NDUFAF2: variants seen among roughly 807,000 people sequenced by gnomAD.
NDUFAF2 encodes the protein NADH dehydrogenase [ubiquinone] 1 alpha subcomplex assembly factor 2.
A neutral mutation model predicts 22.8 loss-of-function variants in NDUFAF2; 13 were observed. That is an observed-to-expected ratio of 0.57 (90% CI 0.37 to 0.91). The LOEUF is 0.91. Among genes scored for constraint, NDUFAF2 ranks in the 40% least tolerant of loss-of-function variants. The probability of loss-of-function intolerance (pLI) is 0.01; values close to 1 mark genes in which losing one functional copy is unlikely to be tolerated. For missense variants in NDUFAF2, 162 were observed against 195.2 expected (o/e 0.83, Z 1.01); for synonymous variants, 53 against 64.2 (o/e 0.83, Z 0.84).
At position 61,040,296 on chromosome 5, in the gene NDUFAF2, G is replaced by A. The variant is rs371220938; in HGVS notation, c.128-32829G>A. Among the ~76,000 whole-genome samples, 15 of 145,506 alleles carry A rather than the reference G, an allele frequency of 1.0e-4. 1 individual carries two copies. The highest frequency in any genetic ancestry group is 4.2e-4 in the Admixed American group (6 of 14,250). ...CACACACACACACACACGCGCGCGC[G>A]CGCGCGAAAGTTGAAAGCAGAGATT... is the stretch of plus-strand genomic sequence containing the variant. On this transcript the variant is annotated intron_variant, in intron 1 of 3. Transcript: ENST00000296597.
chr5:61,048,468 A>C (rs550607247), intron 1 of NDUFAF2, among the ~76,000 whole-genome samples: 21 of 152,240 alleles, frequency 1.4e-4, no homozygotes, highest in African/African-American at 5.1e-4. Context: ...TTTTGTTTTT[A>C]TAGGAAGTGA....
In NDUFAF2 at chr5:60,945,356, A is replaced by G; in HGVS notation, c.101A>G (p.Tyr34Cys). Reference protein sequence around the residue: ...GTDQFGNKYYYIPQYKNWRGQ... With the variant: ...GTDQFGNKYYCIPQYKNWRGQ... ...GACCAATTCGGGAACAAATACTACT[A>G]CATCCCGCAGTACAAGAACTGGAGA... The change falls in exon 1 of 4, where the codon TAC (tyrosine) becomes TGC (cysteine). Residue 34 changes from tyrosine to cysteine, a missense_variant. Tyr to Cys is a radical substitution (Grantham distance 194, BLOSUM62 -2). Transcript: ENST00000296597. The G allele has an allele frequency of 6.2e-7, 1 of 1,614,152 alleles. No individual in the cohort carries two copies. Among genetic ancestry groups the G allele is most frequent in the Non-Finnish European group, 8.5e-7 (1 of 1,180,040 alleles).
intron 1 of NDUFAF2, among the ~76,000 whole-genome samples, chr5:61,021,327 A>T (rs1394232396): frequency 7.5e-6 from 1 of 132,686 alleles, no homozygotes; most frequent in Non-Finnish European, 1.6e-5. Context: ...TTGGCTTGTG[A>T]TCCCTTTGTC....
At chr5:60,974,963 ACACCAC>A (rs1238276558) in intron 1 of NDUFAF2, among the ~76,000 whole-genome samples, 4 of 151,890 alleles carry the variant, frequency 2.6e-5, no homozygotes, top group African/African-American at 9.7e-5. Flanking sequence ...TTACAGGTGC[ACACCAC>A]CACATCCAGC....
intron 2 of NDUFAF2, among the ~76,000 whole-genome samples, chr5:61,094,852 C>T (rs1049026970): frequency 4.6e-5 from 7 of 152,180 alleles, no homozygotes; most frequent in Admixed American, 4.6e-4. Flanking sequence ...AGCTCCTTCC[C>T]AGGGAGATAC....
intron 1 of NDUFAF2, among the ~76,000 whole-genome samples, chr5:61,001,269 T>C (rs1348039122): frequency 6.6e-6 from 1 of 152,172 alleles, no homozygotes; most frequent in African/African-American, 2.4e-5. Context: ...CTTTTACTTT[T>C]AGGTTATATT....
chr5:60,971,373 G>A (rs1489199902), intron 1 of NDUFAF2, among the ~76,000 whole-genome samples: 3 of 150,008 alleles, frequency 2.0e-5, no homozygotes, highest in Non-Finnish European at 3.0e-5. Flanking sequence ...TGCAAGCTCC[G>A]CCTCCCGGGT....
intron 3 of NDUFAF2, among the ~76,000 whole-genome samples, chr5:61,148,935 G>A (rs1354719347): frequency 6.6e-6 from 1 of 152,124 alleles, no homozygotes; most frequent in East Asian, 1.9e-4. Flanking sequence ...TACTTAAGGG[G>A]AACAAAAGGA....
chr5:60,996,249 T>C (rs534852813), intron 1 of NDUFAF2, among the ~76,000 whole-genome samples: 7 of 152,192 alleles, frequency 4.6e-5, no homozygotes, highest in African/African-American at 1.2e-4. Context: ...TGCTCTTCAA[T>C]TAGCAGATTA....
intron 2 of NDUFAF2, among the ~76,000 whole-genome samples, chr5:61,093,447 A>G (rs1752596931): frequency 6.6e-6 from 1 of 152,154 alleles, no homozygotes; most frequent in Non-Finnish European, 1.5e-5. Flanking sequence ...TGCCTAGTTT[A>G]TTAAGAGTTT....
At chr5:61,041,209 C>T (rs2111681432) in intron 1 of NDUFAF2, among the ~76,000 whole-genome samples, 1 of 152,238 alleles carries the variant, frequency 6.6e-6, no homozygotes, top group South Asian at 2.1e-4. Context: ...TGGATTATAG[C>T]TTACATTTCT....
At position 61,058,118 on chromosome 5, in the gene NDUFAF2, A is replaced by G. The variant is rs77847688; in HGVS notation, c.128-15007A>G. 6.6e-4 allele frequency among the ~76,000 whole-genome samples: 100 copies of G among 152,260 alleles called. 3 individuals are homozygous for G. In the East Asian group the frequency reaches 0.018, roughly 28 times the overall value. On this transcript the variant is annotated intron_variant, in intron 1 of 3. Coordinates refer to ENST00000296597, the MANE Select transcript of NDUFAF2 (RefSeq NM_174889.5). ...ATTAATGACCAAGTATTTGATTTCT[A>G]TGAAACCATTTGGGTCTAGAAGTCA...
chr5:61,000,526 T>G (rs1751282821), intron 1 of NDUFAF2, among the ~76,000 whole-genome samples: 1 of 152,164 alleles, frequency 6.6e-6, no homozygotes, highest in African/African-American at 2.4e-5. Flanking sequence ...GTATACTATA[T>G]CCAAATAAGG....
rs1467779605 is a variant in NDUFAF2 at position 60,945,322 on chromosome 5, G to C, written c.67G>C (p.Val23Leu). Residue 23 changes from valine to leucine, a missense_variant, in exon 1 of 4, where the codon GTG becomes CTG. By Grantham distance (32) the Val-to-Leu change is conservative. This residue lies in a region of NDUFAF2 where 94 missense variants were observed against 85.2 expected (regional missense o/e 1.10). Coordinates refer to ENST00000296597, the MANE Select transcript of NDUFAF2 (RefSeq NM_174889.5). Reference sequence around the variant, plus strand: ...GCTGTCAAGGGAAGTGAAGGAGCACGTGGGCACGGACCAATTCGGGAACAA... The same window carrying C: ...GCTGTCAAGGGAAGTGAAGGAGCACCTGGGCACGGACCAATTCGGGAACAA... ...RSLSREVKEH[V>L]GTDQFGNKYY... 2 of 1,614,128 alleles carry C rather than the reference G, an allele frequency of 1.2e-6. No homozygotes were observed. The highest frequency in any genetic ancestry group is 4.5e-5 in the East Asian group (2 of 44,866).
At chr5:60,964,420 A>G (rs1199029298) in intron 1 of NDUFAF2, among the ~76,000 whole-genome samples, 1 of 151,752 alleles carries the variant, frequency 6.6e-6, no homozygotes, top group Non-Finnish European at 1.5e-5. Flanking sequence ...GAACACTTAA[A>G]ATCTCTCTTA....
At chr5:61,128,958 AAAC>A (rs976566238) in intron 3 of NDUFAF2, among the ~76,000 whole-genome samples, 1 of 152,106 alleles carries the variant, frequency 6.6e-6, no homozygotes, top group Non-Finnish European at 1.5e-5. Context: ...TACAAGAAAA[AAAC>A]AACCCCATCA....
At chr5:61,080,453 C>T (rs1752427806) in intron 2 of NDUFAF2, among the ~76,000 whole-genome samples, 1 of 152,048 alleles carries the variant, frequency 6.6e-6, no homozygotes, top group Admixed American at 6.6e-5. Context: ...GTGGCTTTAC[C>T]ATTTTGTATT....
intron 1 of NDUFAF2, among the ~76,000 whole-genome samples, chr5:60,993,290 C>G (rs544959890): frequency 6.6e-6 from 1 of 152,348 alleles, no homozygotes; most frequent in African/African-American, 2.4e-5. Context: ...ACCTCAGGCC[C>G]CAAAGAGGGA....
At chr5:61,040,286 A>ACACACACACACACACG (rs1491193758) in intron 1 of NDUFAF2, among the ~76,000 whole-genome samples, 5 of 93,074 alleles carry the variant, frequency 5.4e-5, no homozygotes, top group African/African-American at 2.2e-4. Context: ...ACACACACAC[A>ACACACACACACACACG]CGCGCGCGCG....
Sources: allele counts gnomAD v4.1 joint callset (sites outside exome capture counted in the v4.1 genomes callset), GRCh38; gene constraint gnomAD v4.1.1; regional missense constraint gnomAD v4.1.1; transcripts MANE v1.5; gene names NCBI Gene and HGNC (gene_info 2026-07-23, HGNC 2026-07-21).